The following LRRD1 variants were observed in gnomAD, a reference collection of about 807,000 sequenced individuals.
LRRD1 encodes the protein leucine-rich repeat and death domain-containing protein 1.
LRRD1 carries 49 observed loss-of-function variants against 69.5 expected under a neutral mutation model. That is an observed-to-expected ratio of 0.70 (90% CI 0.56 to 0.89). The LOEUF (loss-of-function observed/expected upper bound fraction) is 0.89, where lower values mean the gene tolerates loss of function less well. Ranked by LOEUF, LRRD1 falls within the 40% of genes least tolerant of loss-of-function variation. The probability of loss-of-function intolerance (pLI) is 0.00; values close to 1 mark genes in which losing one functional copy is unlikely to be tolerated. For missense variants in LRRD1, 853 were observed against 956.0 expected (o/e 0.89, Z 1.42); for synonymous variants, 303 against 338.9 (o/e 0.89, Z 1.16).
At chr7:92,143,502 G>C (rs531001995), downstream of LRRD1, among the ~76,000 whole-genome samples, 2 of 152,278 alleles carry the variant, frequency 1.3e-5, no homozygotes, top group Non-Finnish European at 2.9e-5. Flanking sequence ...TGCAGGTCCC[G>C]AGCCCTGCCC....
rs770765785 is a variant in LRRD1, at chr7:92,167,099, CTT to C, written c.-74-1825_-74-1824del. On this transcript the variant is annotated intron_variant, in intron 1 of 5. Transcript: ENST00000458448. ...CAACATACACAAGTCAATTTTCTTT[CTT>C]TTTTTTTTTTTTTGTGGGGACAGTC... Among the ~76,000 whole-genome samples, 303 of 139,372 alleles carry C rather than the reference CTT, an allele frequency of 2.2e-3. 2 individuals are homozygous for C. The highest frequency in any genetic ancestry group is 7.1e-3 in the African/African-American group (271 of 38,342). 91.4% of individuals were successfully genotyped at this position (139,372 alleles called of 152,430 possible). A position where few individuals can be genotyped will look rare whatever the true frequency, so the allele number is the denominator to read the frequency against.
chr7:92,151,525 A>T (rs1282741440), intron 3 of LRRD1, among the ~76,000 whole-genome samples: 1 of 152,108 alleles, frequency 6.6e-6, no homozygotes, highest in Non-Finnish European at 1.5e-5. Context: ...TAATGTTATA[A>T]TTTTTTTCCT....
rs1458450681 is a variant in LRRD1, at chr7:92,163,555, C to T, written c.1648G>A (p.Ala550Thr). Residue 550 changes from alanine (A) to threonine (T), a missense_variant, in exon 2 of 6, where the codon GCA becomes ACA. By Grantham distance (58) the Ala-to-Thr change is moderately conservative. Transcript: ENST00000458448. ...AGTGATATCATATTAGAAATTGATG[C>T]TGGAATTTTCTTTATTTGGTTTTTA... The part of the protein sequence containing the change: ...LGKNQIKKIP[A>T]SISNMISLHV... The T allele has an allele frequency of 9.2e-6, 14 of 1,527,660 alleles. No homozygotes were observed. Among genetic ancestry groups the T allele is most frequent in the Non-Finnish European group, 1.1e-5 (13 of 1,139,474 alleles). The allele number at this position is 1,527,660 out of a possible 1,614,324, so 94.6% of individuals were successfully genotyped here. A position where few individuals can be genotyped will look rare whatever the true frequency, so the allele number is the denominator to read the frequency against.
At chr7:92,149,894 G>A in intron 4 of LRRD1, 1 of 456,420 alleles carries the variant, frequency 2.2e-6, no homozygotes, top group South Asian at 1.6e-5. Context: ...AGAACAGATT[G>A]GAACTGACAG....
intron 1 of LRRD1, among the ~76,000 whole-genome samples, chr7:92,170,426 C>T (rs926595730): frequency 2.0e-5 from 3 of 152,098 alleles, no homozygotes; most frequent in African/African-American, 7.2e-5. Flanking sequence ...AATAAGGCTA[C>T]TTTAAGGCAT....
chr7:92,151,127 A>G (rs1317678207), intron 3 of LRRD1, among the ~76,000 whole-genome samples: 5 of 152,230 alleles, frequency 3.3e-5, no homozygotes, highest in African/African-American at 1.2e-4. Context: ...CAGTATTGGT[A>G]TGTTACTACT....
At chr7:92,177,809 T>C (rs1207963718) in intron 1 of LRRD1, among the ~76,000 whole-genome samples, 1 of 152,200 alleles carries the variant, frequency 6.6e-6, no homozygotes, top group Admixed American at 6.5e-5. Flanking sequence ...GACCTACATC[T>C]GCCTGACTAT....
chr7:92,142,942 C>T (rs997206220), downstream of LRRD1: 1 of 275,138 alleles, frequency 3.6e-6, no homozygotes, highest in South Asian at 3.4e-5. Context: ...GGAAGGGGAC[C>T]GGAACAGGTT....
rs1295896974 is a variant in LRRD1, at chr7:92,163,292, C to T, written c.1911G>A (p.Gly637=). Residue 637 remains glycine (G), a synonymous_variant, in exon 2 of 6, where the codon GGG becomes GGA. Coordinates refer to ENST00000458448, the MANE Select transcript of LRRD1 (RefSeq NM_001161528.2). Reference sequence around the variant, plus strand: ...CACAATACCAGTCTCTTACCTTTCTCCCTTTTATCTGACTTATATTCAGCT... The same window carrying T: ...CACAATACCAGTCTCTTACCTTTCTTCCTTTTATCTGACTTATATTCAGCT... ...LEQLNISQIK[G]RKLTRLPGEL... The T allele has an allele frequency of 1.4e-6, 2 of 1,462,062 alleles. No individual in the cohort carries two copies. Among genetic ancestry groups the T allele is most frequent in the African/African-American group, 2.9e-5 (2 of 69,934 alleles). 90.6% of individuals were successfully genotyped at this position (1,462,062 alleles called of 1,614,324 possible).
chr7:92,174,492 TATATATATATATATA>T (rs1379871006), intron 1 of LRRD1, among the ~76,000 whole-genome samples: 1 of 18,784 alleles, frequency 5.3e-5, no homozygotes, highest in South Asian at 1.6e-3. Context: ...TATATATATA[TATATATATATATATA>T]TATTTTTTTT....
At chr7:92,170,557 C>T (rs145111924) in intron 1 of LRRD1, among the ~76,000 whole-genome samples, 3 of 152,182 alleles carry the variant, frequency 2.0e-5, no homozygotes, top group Non-Finnish European at 2.9e-5. Context: ...ACAATAAAGG[C>T]GTTCTAATTT....
chr7:92,153,939 C>T (rs1054715360), intron 3 of LRRD1, among the ~76,000 whole-genome samples: 8 of 150,834 alleles, frequency 5.3e-5, no homozygotes, highest in Admixed American at 2.6e-4. Flanking sequence ...TGGGTTCAAG[C>T]GATTCTCCTG....
intron 3 of LRRD1, among the ~76,000 whole-genome samples, chr7:92,152,819 T>C (rs1414641574): frequency 6.6e-6 from 1 of 151,738 alleles, no homozygotes; most frequent in Non-Finnish European, 1.5e-5. Flanking sequence ...TATAGGTGCG[T>C]GCCACCACAC....
chr7:92,158,834 A>G (rs965673409), intron 3 of LRRD1, among the ~76,000 whole-genome samples, 171 bp downstream of exon 3: 5 of 152,270 alleles, frequency 3.3e-5, no homozygotes, highest in Non-Finnish European at 7.4e-5. Flanking sequence ...CAGGAACTGG[A>G]CCTTATACTT....
intron 1 of LRRD1, among the ~76,000 whole-genome samples, chr7:92,168,716 A>G (rs181337631): frequency 1.3e-5 from 2 of 152,314 alleles, no homozygotes; most frequent in Non-Finnish European, 2.9e-5. Context: ...TCTGTAAGCA[A>G]ACACATCCAG....
rs1445383885 is a variant in LRRD1 at position 92,170,790 on chromosome 7, TCTTA to T, written c.-74-5518_-74-5515del. Reference sequence around the variant, plus strand: ...GGGACATCCCACAGAATAGACAATATCTTAGGACACAAAACTGGTCTCAACAAAT... The same window carrying T: ...GGGACATCCCACAGAATAGACAATATGGACACAAAACTGGTCTCAACAAAT... On this transcript the variant is annotated intron_variant, in intron 1 of 5. Transcript: ENST00000458448. Among the ~76,000 whole-genome samples, 4 of 152,280 alleles carry T rather than the reference TCTTA, an allele frequency of 2.6e-5. No homozygotes were observed. In the East Asian group the frequency reaches 7.7e-4, roughly 29 times the overall value.
intron 1 of LRRD1, among the ~76,000 whole-genome samples, chr7:92,167,171 C>T (rs183564920): frequency 6.6e-6 from 1 of 151,522 alleles, no homozygotes; most frequent in Non-Finnish European, 1.5e-5. Flanking sequence ...TCTTGGCTCA[C>T]TGCAACCTCC....
At chr7:92,167,953 T>C (rs569797304) in intron 1 of LRRD1, among the ~76,000 whole-genome samples, 1 of 148,364 alleles carries the variant, frequency 6.7e-6, no homozygotes, top group East Asian at 2.0e-4. Flanking sequence ...CTTGATAAGA[T>C]TTGATTAAAT....
chr7:92,149,631 G>T (rs763864245), intron 4 of LRRD1, among the ~76,000 whole-genome samples: 2 of 152,254 alleles, frequency 1.3e-5, no homozygotes, highest in Non-Finnish European at 2.9e-5. Context: ...ATTTCAGACA[G>T]ATGGTCATAG....
Sources: gnomAD v4.1 joint callset for allele counts (sites outside exome capture counted in the v4.1 genomes callset) on GRCh38, gnomAD v4.1.1 for gene constraint, MANE v1.5 for transcripts, NCBI Gene and HGNC (gene_info 2026-07-23, HGNC 2026-07-21) for gene names.